L3MBTL4: variants seen among roughly 807,000 people sequenced by gnomAD.
The protein encoded by L3MBTL4 is lethal(3)malignant brain tumor-like protein 4.
Under a neutral mutation model 84.5 loss-of-function variants are expected in L3MBTL4, and 70 were observed. The observed-to-expected ratio is 0.83, with a 90% CI of 0.68 to 1.01. The LOEUF (loss-of-function observed/expected upper bound fraction) is 1.01, where lower values mean the gene tolerates loss of function less well. Among genes scored for constraint, L3MBTL4 ranks in the 50% least tolerant of loss-of-function variants. The probability of loss-of-function intolerance (pLI) is 0.00; values close to 1 mark genes in which losing one functional copy is unlikely to be tolerated. For synonymous variants in L3MBTL4, 274 were observed against 259.8 expected, an observed-to-expected ratio of 1.05 and a Z score of -0.52; for missense variants, 715 against 754.8, an observed-to-expected ratio of 0.95 and a Z score of 0.62.
chr18:6,223,260 G>A (rs1307528574), intron 10 of L3MBTL4, among the ~76,000 whole-genome samples: 1 of 152,030 alleles, frequency 6.6e-6, no homozygotes, highest in Non-Finnish European at 1.5e-5. Flanking sequence ...GTTTAAAAAT[G>A]CGGAAATAAA....
At chr18:6,355,058 T>C (rs341174) in intron 1 of L3MBTL4, among the ~76,000 whole-genome samples, 59,937 of 152,066 alleles carry the variant, frequency 0.39, 12,805 homozygotes, top group Middle Eastern at 0.58. Context: ...GATGAACAGA[T>C]AAAGTAAATG....
At chr18:6,214,708 G>C (rs1389686477) in intron 11 of L3MBTL4, among the ~76,000 whole-genome samples, 2 of 152,104 alleles carry the variant, frequency 1.3e-5, no homozygotes, top group East Asian at 3.9e-4. Context: ...GAATCTTTCT[G>C]TTCTCCCCAA....
At chr18:6,214,837 T>C (rs2046257904) in intron 11 of L3MBTL4, among the ~76,000 whole-genome samples, 1 of 152,190 alleles carries the variant, frequency 6.6e-6, no homozygotes. Context: ...TCTTAGCTAC[T>C]TTTCAGAATT....
chr18:6,069,365 A>G (rs2057504758), intron 16 of L3MBTL4, among the ~76,000 whole-genome samples: 1 of 152,110 alleles, frequency 6.6e-6, no homozygotes, highest in African/African-American at 2.4e-5. Flanking sequence ...GGCATTTGCA[A>G]AAGAGCAACC....
At chr18:6,234,728 A>G (rs2047144313) in intron 10 of L3MBTL4, among the ~76,000 whole-genome samples, 1 of 152,202 alleles carries the variant, frequency 6.6e-6, no homozygotes, top group Non-Finnish European at 1.5e-5. Flanking sequence ...GGGACTGTAA[A>G]CTAGTTCAAC....
intron 13 of L3MBTL4, among the ~76,000 whole-genome samples, chr18:6,143,425 G>T (rs2060253995): frequency 6.6e-6 from 1 of 152,136 alleles, no homozygotes; most frequent in South Asian, 2.1e-4. Context: ...ATTAAATTTT[G>T]TATGATGAAG....
intron 4 of L3MBTL4, among the ~76,000 whole-genome samples, chr18:6,266,643 G>A (rs542926054): frequency 1.3e-5 from 2 of 152,276 alleles, no homozygotes; most frequent in South Asian, 4.1e-4. Context: ...AAAAATTTCT[G>A]GCCAGGTGCA....
intron 1 of L3MBTL4, among the ~76,000 whole-genome samples, chr18:6,355,493 A>G (rs1267010930): frequency 1.3e-5 from 2 of 152,148 alleles, no homozygotes; most frequent in Non-Finnish European, 2.9e-5. Context: ...AGTAATCTTC[A>G]TCCATTTTGT....
chr18:6,322,456 T>TGGAAGGAAGG (rs2051462039), intron 1 of L3MBTL4, among the ~76,000 whole-genome samples: 1 of 102,548 alleles, frequency 9.8e-6, no homozygotes, highest in Non-Finnish European at 2.0e-5. Context: ...GAAGGAAGGA[T>TGGAAGGAAGG]GGAAGGAAGG....
At chr18:6,386,045 C>A (rs2054803317) in intron 1 of L3MBTL4, among the ~76,000 whole-genome samples, 1 of 152,136 alleles carries the variant, frequency 6.6e-6, no homozygotes, top group South Asian at 2.1e-4. Context: ...TGTTTTCCAT[C>A]CAGTAGGAGA....
intron 13 of L3MBTL4, among the ~76,000 whole-genome samples, chr18:6,159,558 T>G (rs2043235332): frequency 6.6e-6 from 1 of 152,186 alleles, no homozygotes; most frequent in Non-Finnish European, 1.5e-5. Context: ...GCGAGCAGCT[T>G]TGTTCTTCTT....
At chr18:6,346,507 A>T (rs916473569) in intron 1 of L3MBTL4, among the ~76,000 whole-genome samples, 6 of 152,130 alleles carry the variant, frequency 3.9e-5, no homozygotes, top group African/African-American at 1.4e-4. Flanking sequence ...AAAAAAATTT[A>T]AAAACCTGAT....
chr18:6,309,266 T>G (rs1316733428), intron 3 of L3MBTL4, among the ~76,000 whole-genome samples: 1 of 152,204 alleles, frequency 6.6e-6, no homozygotes, highest in Non-Finnish European at 1.5e-5. Flanking sequence ...CAGCCCCAGG[T>G]GTGAATACAG....
At chr18:6,116,523 C>T (rs1412166009) in intron 14 of L3MBTL4, among the ~76,000 whole-genome samples, 2 of 151,944 alleles carry the variant, frequency 1.3e-5, no homozygotes, top group African/African-American at 4.8e-5. Context: ...ACCACCCTGC[C>T]CAGCTAATTT....
At chr18:6,091,635 G>A (rs772870242) in intron 15 of L3MBTL4, among the ~76,000 whole-genome samples, 15 of 152,142 alleles carry the variant, frequency 9.9e-5, no homozygotes, top group South Asian at 4.1e-4. Flanking sequence ...AGTTTAAAAG[G>A]CTAAACTCCT....
At chr18:6,186,338 G>A (rs1474732957) in intron 12 of L3MBTL4, among the ~76,000 whole-genome samples, 1 of 151,976 alleles carries the variant, frequency 6.6e-6, no homozygotes, top group Admixed American at 6.6e-5. Flanking sequence ...CACCATGCCT[G>A]GCCAAAAAGG....
intron 12 of L3MBTL4, among the ~76,000 whole-genome samples, chr18:6,183,306 C>T (rs924181589): frequency 7.2e-5 from 11 of 152,172 alleles, no homozygotes; most frequent in African/African-American, 9.7e-5. Context: ...AATCAGTTTA[C>T]GGCTATGACT....
intron 16 of L3MBTL4, among the ~76,000 whole-genome samples, chr18:6,033,898 T>C (rs151303100): frequency 6.6e-6 from 1 of 152,362 alleles, no homozygotes; most frequent in East Asian, 1.9e-4. Flanking sequence ...TTTAAATGCA[T>C]AGTCTGTTAA....
intron 16 of L3MBTL4, among the ~76,000 whole-genome samples, chr18:6,044,124 G>A (rs549372656): frequency 6.6e-6 from 1 of 152,278 alleles, no homozygotes; most frequent in East Asian, 1.9e-4. Context: ...CTTCTCAAGA[G>A]CATTAGTAAG....
Sources: allele counts gnomAD v4.1 joint callset (sites outside exome capture counted in the v4.1 genomes callset), GRCh38; gene constraint gnomAD v4.1.1; transcripts MANE v1.5; gene names NCBI Gene and HGNC (gene_info 2026-07-23, HGNC 2026-07-21).